The following FSTL4 variants were observed in gnomAD, a reference collection of about 807,000 sequenced individuals.
FSTL4 encodes follistatin-related protein 4.
Under a neutral mutation model 78.2 loss-of-function variants are expected in FSTL4, and 28 were observed. That is an observed-to-expected ratio of 0.36 (90% confidence interval 0.27 to 0.49). The LOEUF is 0.49. Among genes scored for constraint, FSTL4 ranks in the 20% least tolerant of loss-of-function variants. FSTL4 has a pLI of 0.98. For synonymous variants in FSTL4, 422 were observed against 440.5 expected, an observed-to-expected ratio of 0.96 and a Z score of 0.53; for missense variants, 922 against 1,084.9, an observed-to-expected ratio of 0.85 and a Z score of 2.11.
chr5:133,645,415 A>G, the FSTL4 span, among the ~76,000 whole-genome samples: 1 of 152,152 alleles, frequency 6.6e-6, no homozygotes, highest in Non-Finnish European at 1.5e-5. Flanking sequence ...AGGACACCCA[A>G]GGTCAGGCAT....
chr5:133,207,435 G>T (rs1257517605), intron 14 of FSTL4, among the ~76,000 whole-genome samples: 1 of 152,126 alleles, frequency 6.6e-6, no homozygotes, highest in Non-Finnish European at 1.5e-5. Flanking sequence ...CACTTTATGT[G>T]TGTTTCTTGG....
chr5:133,517,628 G>GTA (rs1458265534), intron 3 of FSTL4, among the ~76,000 whole-genome samples: 1 of 149,538 alleles, frequency 6.7e-6, no homozygotes, highest in East Asian at 2.0e-4. Context: ...GTGTGTGTGT[G>GTA]TGTGTAGGGT....
the FSTL4 span, among the ~76,000 whole-genome samples, chr5:133,742,729 T>C: frequency 6.6e-6 from 1 of 152,112 alleles, no homozygotes; most frequent in African/African-American, 2.4e-5. Context: ...CTCTGGAGGC[T>C]GAGGAGGTGT....
Position 133,484,446 on chromosome 5 carries a change from A to G in FSTL4, c.160+82740T>C, listed in dbSNP as rs1758091572. ...CAGTAGCCCAGGAGGAAGGAAGAAT[A>G]GAAGATATCTACTAGCCCACATGAG... On this transcript the variant is annotated intron_variant, in intron 3 of 15. Transcript: ENST00000265342. Among the ~76,000 whole-genome samples, 3 of 152,354 alleles carry G rather than the reference A, an allele frequency of 2.0e-5. 1 individual carries two copies. In the South Asian group the frequency reaches 6.2e-4, roughly 32 times the overall value.
chr5:133,508,395 G>T lies in FSTL4; in HGVS notation c.160+58791C>A, dbSNP rs147593411. Among the ~76,000 whole-genome samples the T allele has an allele frequency of 3.5e-3, 540 of 152,274 alleles. 4 individuals are homozygous for T. The highest frequency in any genetic ancestry group is 0.013 in the African/African-American group (523 of 41,550). ...GAAGGTCTGAGCTACCTTTGGGAGG[G>T]TCAACTATGGATAAGCTAAGTACTC... On this transcript the variant is annotated intron_variant, in intron 3 of 15. Coordinates refer to ENST00000265342, the MANE Select transcript of FSTL4 (RefSeq NM_015082.2).
intron 6 of FSTL4, among the ~76,000 whole-genome samples, chr5:133,287,281 G>A (rs936388566): frequency 5.3e-5 from 8 of 151,874 alleles, no homozygotes; most frequent in Non-Finnish European, 7.4e-5. Flanking sequence ...CCAGCTACTC[G>A]GGAGGCTGAG....
the FSTL4 span, among the ~76,000 whole-genome samples, chr5:133,645,631 TG>T: frequency 2.6e-5 from 4 of 152,054 alleles, no homozygotes; most frequent in African/African-American, 9.7e-5. Context: ...TGGACAAAGA[TG>T]TGATTAACGA....
the FSTL4 span, among the ~76,000 whole-genome samples, chr5:133,831,274 C>T: frequency 5.3e-5 from 8 of 152,246 alleles, no homozygotes; most frequent in African/African-American, 1.4e-4. Flanking sequence ...GCATCCAGGC[C>T]GCTGTATCTG....
intron 3 of FSTL4, among the ~76,000 whole-genome samples, chr5:133,437,048 A>G (rs1757047224): frequency 6.6e-6 from 1 of 152,234 alleles, no homozygotes. Context: ...GATGGCTCAA[A>G]GATCTATGGC....
chr5:133,727,459 T>C, the FSTL4 span, among the ~76,000 whole-genome samples: 4 of 152,138 alleles, frequency 2.6e-5, no homozygotes, highest in Non-Finnish European at 5.9e-5. Flanking sequence ...CCACCCATCT[T>C]CCCACTGGGC....
chr5:133,536,749 A>C (rs1759357805), intron 3 of FSTL4, among the ~76,000 whole-genome samples: 1 of 151,986 alleles, frequency 6.6e-6, no homozygotes. Flanking sequence ...TAATTCATTC[A>C]TTTTCACTCT....
chr5:133,809,593 G>C, the FSTL4 span, among the ~76,000 whole-genome samples: 1 of 148,964 alleles, frequency 6.7e-6, no homozygotes, highest in Non-Finnish European at 1.5e-5. Flanking sequence ...CCCAAGTCAG[G>C]ATAGCACCAA....
intron 4 of FSTL4, among the ~76,000 whole-genome samples, chr5:133,378,761 C>T (rs761369404): frequency 6.6e-6 from 1 of 151,756 alleles, no homozygotes; most frequent in Non-Finnish European, 1.5e-5. Context: ...CTAAAAACAC[C>T]CTCCAAAAAT....
chr5:133,502,724 G>A (rs1022957958), intron 3 of FSTL4, among the ~76,000 whole-genome samples: 3 of 150,996 alleles, frequency 2.0e-5, no homozygotes, highest in Non-Finnish European at 2.9e-5. Flanking sequence ...ATGACTGCAA[G>A]TTTCCTTCTC....
At chr5:133,491,566 A>AT (rs1561738159) in intron 3 of FSTL4, among the ~76,000 whole-genome samples, 3 of 151,032 alleles carry the variant, frequency 2.0e-5, no homozygotes. Flanking sequence ...CGCCTGGCTA[A>AT]TTTTTTTGTA....
the FSTL4 span, among the ~76,000 whole-genome samples, chr5:133,738,332 T>C: frequency 6.6e-6 from 1 of 152,246 alleles, no homozygotes; most frequent in African/African-American, 2.4e-5. Flanking sequence ...TGTGTTTTTA[T>C]AAGAGCATTT....
intron 2 of FSTL4, among the ~76,000 whole-genome samples, chr5:133,572,914 C>T (rs553223690): frequency 1.3e-5 from 2 of 152,182 alleles, no homozygotes; most frequent in South Asian, 2.1e-4. Flanking sequence ...ATATTTAAAC[C>T]TATTTAACTA....
At chr5:133,498,029 A>G (rs1430987739) in intron 3 of FSTL4, among the ~76,000 whole-genome samples, 1 of 152,132 alleles carries the variant, frequency 6.6e-6, no homozygotes, top group African/African-American at 2.4e-5. Context: ...CACTGGTGGC[A>G]CTGAGGGGCA....
chr5:133,433,921 C>T (rs1350906285), intron 3 of FSTL4, among the ~76,000 whole-genome samples: 9 of 151,896 alleles, frequency 5.9e-5, no homozygotes, highest in African/African-American at 1.9e-4. Context: ...AGGGAGGCAG[C>T]AGTGGGATTC....
Sources: gnomAD v4.1 joint callset for allele counts (sites outside exome capture counted in the v4.1 genomes callset) on GRCh38, gnomAD v4.1.1 for gene constraint, MANE v1.5 for transcripts, NCBI Gene and HGNC (gene_info 2026-07-23, HGNC 2026-07-21) for gene names.